Variants in AS3MT observed in about 807,000 individuals in gnomAD.
AS3MT encodes the protein arsenite methyltransferase.
Under a neutral mutation model 45.3 loss-of-function variants are expected in AS3MT, and 47 were observed. The ratio of observed to expected loss-of-function variants is 1.04; its 90% CI spans 0.82 to 1.32. The LOEUF is 1.32. AS3MT is among the 40% of genes most tolerant of loss of function. The pLI, the probability that AS3MT is intolerant of heterozygous loss-of-function variation, is 0.00. For synonymous variants in AS3MT, 141 were observed against 152.8 expected, an observed-to-expected ratio of 0.92 and a Z score of 0.57; for missense variants, 396 against 451.1, an observed-to-expected ratio of 0.88 and a Z score of 1.11.
intron 3 of AS3MT, among the ~76,000 whole-genome samples, chr10:102,871,930 T>C (rs901022961): frequency 2.0e-5 from 3 of 151,726 alleles, no homozygotes; most frequent in Non-Finnish European, 4.4e-5. Context: ...TCCCTTAGGC[T>C]GGAGTGCAGT....
At chr10:102,896,312 G>A (rs1480129581) in intron 10 of AS3MT, among the ~76,000 whole-genome samples, 14 of 139,376 alleles carry the variant, frequency 1.0e-4, no homozygotes, top group Admixed American at 8.4e-4. Context: ...CAGCCTGGGC[G>A]ACAGAGCAAG....
chr10:102,895,879 G>A (rs1845161136), intron 10 of AS3MT, among the ~76,000 whole-genome samples: 2 of 151,890 alleles, frequency 1.3e-5, no homozygotes. Flanking sequence ...GGGTTCAAGC[G>A]GTTCTCCTGC....
chr10:102,871,419 C>A (rs903015963), intron 3 of AS3MT, among the ~76,000 whole-genome samples: 2 of 151,730 alleles, frequency 1.3e-5, no homozygotes, highest in Non-Finnish European at 2.9e-5. Context: ...TGGCGGCACG[C>A]GCCTGTAGTT....
At chr10:102,900,566 C>A in intron 10 of AS3MT, 27 bp from the exon 11 acceptor site, 1 of 1,535,340 alleles carries the variant, frequency 6.5e-7, no homozygotes, top group South Asian at 1.1e-5. Flanking sequence ...TTAACTTGTC[C>A]TTTCATTTTG....
intron 9 of AS3MT, chr10:102,888,092 C>T (rs12768205): frequency 0.29 from 47,709 of 164,352 alleles, 7,269 homozygotes; most frequent in East Asian, 0.45. Flanking sequence ...TTAATCCTCT[C>T]TTGCAAAAAC....
Position 102,893,801 on chromosome 10 carries a change from A to G in AS3MT, c.1020+3123A>G, listed in dbSNP as rs182926326. Among the ~76,000 whole-genome samples, 214 of 151,670 alleles carry G rather than the reference A, an allele frequency of 1.4e-3. 1 individual carries two copies. Among genetic ancestry groups the G allele is most frequent in the African/African-American group, 5.0e-3 (207 of 41,390 alleles). On this transcript the variant is annotated intron_variant, in intron 10 of 10. Coordinates refer to ENST00000369880, the MANE Select transcript of AS3MT (RefSeq NM_020682.4). ...GGCATGAGCCACTGTGCCCAGCCCT[A>G]ATTCGTATTTTTAGTAGAGACAGGG... is the stretch of plus-strand genomic sequence containing the variant.
intron 9 of AS3MT, among the ~76,000 whole-genome samples, chr10:102,888,906 AGTCTCGCTCT>A (rs1404571308): frequency 4.5e-5 from 4 of 89,760 alleles, no homozygotes; most frequent in African/African-American, 9.1e-5. Context: ...TTTGAGACGG[AGTCTCGCTCT>A]GTCTCGCTCT....
chr10:102,888,482 C>T (rs562266807), intron 9 of AS3MT, among the ~76,000 whole-genome samples: 12 of 151,826 alleles, frequency 7.9e-5, no homozygotes, highest in Admixed American at 4.6e-4. Flanking sequence ...AGTGCAATGG[C>T]GCAATCTCGG....
intron 9 of AS3MT, among the ~76,000 whole-genome samples, chr10:102,888,879 A>ATTTTTTTTTTTTT (rs1476114789): frequency 4.4e-5 from 2 of 45,208 alleles, no homozygotes; most frequent in African/African-American, 1.4e-4. Context: ...ATATATATAT[A>ATTTTTTTTTTTTT]TATTTTTTTT....
intron 3 of AS3MT, among the ~76,000 whole-genome samples, chr10:102,871,460 C>A (rs1844681977): frequency 7.1e-6 from 1 of 140,052 alleles, no homozygotes; most frequent in Non-Finnish European, 1.5e-5. Flanking sequence ...GGCAGGAGAA[C>A]GGCGTGAACC....
At chr10:102,889,687 C>T (rs1845034325) in intron 9 of AS3MT, among the ~76,000 whole-genome samples, 1 of 147,962 alleles carries the variant, frequency 6.8e-6, no homozygotes, top group African/African-American at 2.5e-5. Context: ...ACCCCCCCCG[C>T]CCCTTTCAGA....
intron 9 of AS3MT, 69 bp from the exon 10 acceptor site, chr10:102,890,475 C>CT: frequency 7.4e-7 from 1 of 1,350,286 alleles, no homozygotes; most frequent in Non-Finnish European, 1.0e-6. Flanking sequence ...AACGATACTT[C>CT]TGGGCATTTT....
chr10:102,899,941 A>C (rs1476598784), intron 10 of AS3MT, among the ~76,000 whole-genome samples: 1 of 152,196 alleles, frequency 6.6e-6, no homozygotes, highest in African/African-American at 2.4e-5. Context: ...TGCTGGGATT[A>C]CAGGCGTGAG....
chr10:102,884,641 G>A (rs1179360390), intron 9 of AS3MT, among the ~76,000 whole-genome samples: 1 of 151,970 alleles, frequency 6.6e-6, no homozygotes, highest in Non-Finnish European at 1.5e-5. Context: ...CCGCCTCCTG[G>A]GTTCAAGCCA....
chr10:102,887,657 T>G (rs145463656), intron 9 of AS3MT, among the ~76,000 whole-genome samples: 1,961 of 152,294 alleles, frequency 0.013, 40 homozygotes, highest in Non-Finnish European at 0.015. Flanking sequence ...TTCCAGTTGC[T>G]TGGAATGTCT....
At position 102,881,368 on chromosome 10, in the gene AS3MT, A is replaced by T. The variant is rs1157881241; in HGVS notation, c.885+2377A>T. ...TGATTACTGAATCCAGAACAAAATT[A>T]TGCTAAATCTCTCTGGTAATTAACT... On this transcript the variant is annotated intron_variant, in intron 9 of 10. Transcript: ENST00000369880. This position sits in a 1 kb window ranked among gnomAD's most constrained non-coding sequence, Gnocchi z 4.2. Among the ~76,000 whole-genome samples, 1 of 152,250 alleles carries T rather than the reference A, an allele frequency of 6.6e-6. No homozygotes were observed. The highest frequency in any genetic ancestry group is 1.5e-5 in the Non-Finnish European group (1 of 68,040).
Position 102,890,563 on chromosome 10 carries a change from T to G in AS3MT, c.905T>G (p.Val302Gly). The G allele has an allele frequency of 1.2e-6, 2 of 1,600,668 alleles. No individual in the cohort carries two copies. The highest frequency in any genetic ancestry group is 1.7e-6 in the Non-Finnish European group (2 of 1,176,108). The change falls in exon 10 of 11, where the codon GTG becomes GGG. Residue 302 changes from valine to glycine, a missense_variant. Transcript: ENST00000369880. ...CTTTAGGAAGGTGAAATTGTTGAAG[T>G]GGATGAAGAAACAGCAGCTATCTTG... The part of the protein sequence containing the change: ...FTFKEGEIVE[V>G]DEETAAILKN...
At chr10:102,899,580 C>T (rs1650892901) in intron 10 of AS3MT, among the ~76,000 whole-genome samples, 1 of 152,064 alleles carries the variant, frequency 6.6e-6, no homozygotes, top group Non-Finnish European at 1.5e-5. Context: ...TTGTACACCC[C>T]TCTATTTGCA....
chr10:102,870,927 A>T (rs1183687416), intron 3 of AS3MT, among the ~76,000 whole-genome samples: 1 of 152,190 alleles, frequency 6.6e-6, no homozygotes, highest in Non-Finnish European at 1.5e-5. Flanking sequence ...TTTTCTGTGC[A>T]CGATGTTTTA....
Sources: gnomAD v4.1 joint callset for allele counts (sites outside exome capture counted in the v4.1 genomes callset) on GRCh38, gnomAD v4.1.1 for gene constraint, Gnocchi (gnomAD v3.1) non-coding constraint, MANE v1.5 for transcripts, NCBI Gene and HGNC (gene_info 2026-07-23, HGNC 2026-07-21) for gene names.